Variants in ZNF487 observed in about 807,000 individuals in gnomAD.
The protein encoded by ZNF487 is zinc finger protein 487.
A neutral mutation model predicts 3.0 loss-of-function variants in ZNF487; 4 were observed. That is an observed-to-expected ratio of 1.35 (90% confidence interval 0.66 to 3.08). The LOEUF is 3.08. ZNF487 is among the 30% of genes most tolerant of loss of function. The pLI is 0.01. For synonymous variants in ZNF487, 55 were observed against 34.6 expected (o/e 1.59, Z -2.06); for missense variants, 146 against 98.7 (o/e 1.48, Z -2.03).
At chr10:43,511,624 A>C in the ZNF487 span, among the ~76,000 whole-genome samples, 1 of 152,180 alleles carries the variant, frequency 6.6e-6, no homozygotes, top group Non-Finnish European at 1.5e-5. Flanking sequence ...GGCACTCATC[A>C]GTGACCATAG....
chr10:43,441,518 C>T (rs1489070090), intron 1 of ZNF487, among the ~76,000 whole-genome samples: 5 of 151,642 alleles, frequency 3.3e-5, no homozygotes, highest in African/African-American at 4.8e-5. Context: ...CCACCCACCT[C>T]GGCCTCCTAA....
the ZNF487 span, among the ~76,000 whole-genome samples, chr10:43,504,220 CTTATA>C: frequency 1.3e-5 from 2 of 149,482 alleles, no homozygotes; most frequent in Non-Finnish European, 3.0e-5. Context: ...TTGTATATGT[CTTATA>C]TATTTTTTGT....
At chr10:43,481,039 G>A (rs1168017685) in intron 3 of ZNF487, among the ~76,000 whole-genome samples, 1 of 152,080 alleles carries the variant, frequency 6.6e-6, no homozygotes, top group Non-Finnish European at 1.5e-5. Flanking sequence ...TGGGAGCCGA[G>A]GCAGGTGGAT....
At chr10:43,443,888 T>C (rs1839709692) in intron 1 of ZNF487, among the ~76,000 whole-genome samples, 1 of 151,188 alleles carries the variant, frequency 6.6e-6, no homozygotes, top group African/African-American at 2.4e-5. Context: ...AGTCTCTCTC[T>C]GTCACCCAGG....
At position 43,475,760 on chromosome 10, in the gene ZNF487, C is replaced by CA; in HGVS notation, c.-53dup. 1 of 780,882 alleles carries CA rather than the reference C, an allele frequency of 1.3e-6. No individual in the cohort carries two copies. The highest frequency in any genetic ancestry group is 2.4e-5 in the East Asian group (1 of 41,238). 48.4% of individuals were successfully genotyped at this position (780,882 alleles called of 1,614,324 possible). A position where few individuals can be genotyped will look rare whatever the true frequency, so the allele number is the denominator to read the frequency against. On this transcript the variant is annotated 5_prime_UTR_variant, in exon 2 of 4. Coordinates refer to ENST00000437590, the MANE Select transcript of ZNF487 (RefSeq NM_001355444.3). ...CAGTGATGTGGCTGTGGGCTTCACC[C>CA]AGGAGGAGTGGCAGCATCTGGACTC...
chr10:43,496,670 A>G, the ZNF487 span, among the ~76,000 whole-genome samples: 1 of 152,100 alleles, frequency 6.6e-6, no homozygotes, highest in Non-Finnish European at 1.5e-5. Flanking sequence ...AACAACTGAA[A>G]TTTATTTCTC....
chr10:43,520,567 C>CA, the ZNF487 span, among the ~76,000 whole-genome samples: 1 of 151,818 alleles, frequency 6.6e-6, no homozygotes, highest in Non-Finnish European at 1.5e-5. Context: ...GCATTTGTGG[C>CA]AAAAGAACAA....
chr10:43,440,689 C>T (rs1488834731), intron 1 of ZNF487, among the ~76,000 whole-genome samples: 7 of 151,794 alleles, frequency 4.6e-5, no homozygotes, highest in African/African-American at 1.2e-4. Context: ...AAACAGAAGA[C>T]TACCCTCATA....
Position 43,476,141 on chromosome 10 carries a change from G to T in ZNF487, c.69G>T (p.Lys23Asn), listed in dbSNP as rs1263968106. 1.4e-6 allele frequency: 1 copy of T among 717,408 alleles called. No homozygotes were observed. Among genetic ancestry groups the T allele is most frequent in the African/African-American group, 1.7e-5 (1 of 57,266 alleles). The allele number at this position is 717,408 out of a possible 1,614,324, so 44.4% of individuals were successfully genotyped here. A position where few individuals can be genotyped will look rare whatever the true frequency, so the allele number is the denominator to read the frequency against. ...YCITKPEVVC[K>N]LEHGQVLWIL... Reference sequence around the variant, plus strand: ...TTACCAAACCAGAGGTGGTTTGCAAGTTGGAGCATGGACAGGTGCTGTGGA... The same window carrying T: ...TTACCAAACCAGAGGTGGTTTGCAATTTGGAGCATGGACAGGTGCTGTGGA... The change falls in exon 3 of 4, where the codon AAG becomes AAT. Residue 23 changes from lysine (K) to asparagine (N), a missense_variant. Coordinates refer to ENST00000437590, the MANE Select transcript of ZNF487 (RefSeq NM_001355444.3).
chr10:43,493,984 T>C, the ZNF487 span, among the ~76,000 whole-genome samples: 113 of 150,306 alleles, frequency 7.5e-4, no homozygotes, highest in East Asian at 0.018. Flanking sequence ...TCAGCCAATA[T>C]TGCGCCACTG....
chr10:43,465,556 C>T (rs1424855128), intron 1 of ZNF487, among the ~76,000 whole-genome samples: 12 of 150,596 alleles, frequency 8.0e-5, no homozygotes, highest in Non-Finnish European at 1.3e-4. Context: ...GACGGGGCGG[C>T]GGGGCAGAGG....
intron 1 of ZNF487, among the ~76,000 whole-genome samples, chr10:43,449,018 G>C (rs10899806): frequency 4.1e-5 from 6 of 145,422 alleles, no homozygotes; most frequent in South Asian, 2.1e-4. Flanking sequence ...AAAAAAAAAG[G>C]CTGGGTGCAG....
intron 1 of ZNF487, 89 bp from the exon 2 acceptor site, chr10:43,475,632 A>G: frequency 1.4e-6 from 1 of 722,572 alleles, no homozygotes; most frequent in South Asian, 1.5e-5. Flanking sequence ...AACTATCAAC[A>G]GTGAACATGA....
intron 1 of ZNF487, among the ~76,000 whole-genome samples, chr10:43,461,003 A>G (rs979233019): frequency 6.8e-6 from 1 of 146,552 alleles, no homozygotes; most frequent in Non-Finnish European, 1.5e-5. Flanking sequence ...CTCTTCTAAT[A>G]TCTTAATTTT....
At chr10:43,484,257 A>G (rs1311753733), downstream of ZNF487, among the ~76,000 whole-genome samples, 1 of 152,146 alleles carries the variant, frequency 6.6e-6, no homozygotes, top group East Asian at 1.9e-4. Context: ...GATAAAATGT[A>G]TGGAGCCTGA....
At chr10:43,496,370 C>T in the ZNF487 span, among the ~76,000 whole-genome samples, 1 of 152,122 alleles carries the variant, frequency 6.6e-6, no homozygotes, top group African/African-American at 2.4e-5. Context: ...TAAAACTGCA[C>T]CTTTTTCTTC....
the ZNF487 span, among the ~76,000 whole-genome samples, chr10:43,488,599 C>A: frequency 6.6e-6 from 1 of 152,028 alleles, no homozygotes; most frequent in African/African-American, 2.4e-5. Context: ...TCTTGTAACA[C>A]AACAAATGAA....
At chr10:43,451,146 A>G (rs1839994376) in intron 1 of ZNF487, among the ~76,000 whole-genome samples, 1 of 151,420 alleles carries the variant, frequency 6.6e-6, no homozygotes. Flanking sequence ...GGGTTTTTCC[A>G]TGTTGGTCAG....
chr10:43,450,672 A>G (rs1436664014), intron 1 of ZNF487, among the ~76,000 whole-genome samples: 2 of 152,088 alleles, frequency 1.3e-5, no homozygotes, highest in African/African-American at 4.8e-5. Flanking sequence ...AGTGCCCAGA[A>G]TAATTTGGGT....
Sources: allele counts gnomAD v4.1 joint callset (sites outside exome capture counted in the v4.1 genomes callset), GRCh38; gene constraint gnomAD v4.1.1; transcripts MANE v1.5; gene names NCBI Gene and HGNC (gene_info 2026-07-23, HGNC 2026-07-21).